Variants in NRG1 observed in about 807,000 individuals in gnomAD.
NRG1 encodes the protein pro-neuregulin-1, membrane-bound isoform.
NRG1 carries 18 observed loss-of-function variants against 63.8 expected under a neutral mutation model. That is an observed-to-expected ratio of 0.28 (90% CI 0.19 to 0.42). The LOEUF is 0.42. Among genes scored for constraint, NRG1 ranks in the 10% least tolerant of loss-of-function variants. The pLI, the probability that NRG1 is intolerant of heterozygous loss-of-function variation, is 1.00. For synonymous variants in NRG1, 302 were observed against 301.3 expected, an observed-to-expected ratio of 1.00 and a Z score of -0.02; for missense variants, 762 against 814.7, an observed-to-expected ratio of 0.94 and a Z score of 0.79.
chr8:32,299,805 G>A (rs893572925), intron 1 of NRG1, among the ~76,000 whole-genome samples: 4 of 152,114 alleles, frequency 2.6e-5, no homozygotes, highest in African/African-American at 9.7e-5. Flanking sequence ...ACGAGAACAG[G>A]ATGGGAAAAA....
chr8:32,337,338 TTGA>T (rs1350811212), intron 1 of NRG1, among the ~76,000 whole-genome samples: 1 of 152,076 alleles, frequency 6.6e-6, no homozygotes, highest in Non-Finnish European at 1.5e-5. Context: ...ACTAAGGCTA[TTGA>T]ATGACCAGGT....
At chr8:32,465,021 A>T (rs1822880609) in intron 1 of NRG1, among the ~76,000 whole-genome samples, 2 of 152,090 alleles carry the variant, frequency 1.3e-5, no homozygotes, top group Non-Finnish European at 1.5e-5. Flanking sequence ...CTAAAAATAC[A>T]AAAATTAGCT....
At chr8:32,147,473 C>T (rs1357691882) in intron 1 of NRG1, among the ~76,000 whole-genome samples, 1 of 152,114 alleles carries the variant, frequency 6.6e-6, no homozygotes, top group Non-Finnish European at 1.5e-5. Flanking sequence ...TGGGCAATTA[C>T]CATAACGTAT....
At chr8:32,646,614 A>G in intron 5 of NRG1, 1 of 894,376 alleles carries the variant, frequency 1.1e-6, no homozygotes, top group South Asian at 5.1e-5. Context: ...TCTCTGACCC[A>G]ACAGTGGGTG....
chr8:31,781,285 T>C (rs966887152), intron 1 of NRG1, among the ~76,000 whole-genome samples: 3 of 152,162 alleles, frequency 2.0e-5, no homozygotes, highest in Admixed American at 2.0e-4. Context: ...AATGGAGAGA[T>C]TAGCATGGAT....
At chr8:32,120,425 C>A (rs558458823) in intron 1 of NRG1, among the ~76,000 whole-genome samples, 1 of 152,136 alleles carries the variant, frequency 6.6e-6, no homozygotes, top group East Asian at 1.9e-4. Context: ...GGTAGTCCTA[C>A]TTTCAGAATT....
At chr8:31,688,744 A>G (rs1809172780) in intron 1 of NRG1, among the ~76,000 whole-genome samples, 1 of 152,226 alleles carries the variant, frequency 6.6e-6, no homozygotes, top group Admixed American at 6.5e-5. Context: ...GTAAACAAGA[A>G]GAGAGAATGA....
chr8:32,656,680 C>T (rs1313698524), intron 5 of NRG1, among the ~76,000 whole-genome samples: 3 of 152,166 alleles, frequency 2.0e-5, no homozygotes. Context: ...ACCTTTGCTG[C>T]AGAAATTGAA....
intron 1 of NRG1, among the ~76,000 whole-genome samples, chr8:32,386,815 C>A (rs541819545): frequency 1.1e-4 from 17 of 152,280 alleles, no homozygotes; most frequent in African/African-American, 3.8e-4. Flanking sequence ...TAGACCCATG[C>A]AGATACCAAA....
chr8:31,798,587 A>G (rs1821459210), intron 1 of NRG1, among the ~76,000 whole-genome samples: 1 of 152,212 alleles, frequency 6.6e-6, no homozygotes, highest in Non-Finnish European at 1.5e-5. Flanking sequence ...CTTAGGAATC[A>G]GTGCCATTGA....
intron 1 of NRG1, among the ~76,000 whole-genome samples, chr8:32,390,469 G>A (rs1854145722): frequency 1.3e-5 from 2 of 151,924 alleles, no homozygotes; most frequent in Admixed American, 6.6e-5. Flanking sequence ...CAGGCATGGT[G>A]GTGAGCACCT....
Position 31,862,459 on chromosome 8 carries a change from G to A in NRG1, c.37+223028G>A, listed in dbSNP as rs773278944. On this transcript the variant is annotated intron_variant, in intron 1 of 10. Coordinates refer to the NRG1 transcript ENST00000519301. ...AGTTGTGACAAAATATCTAACATTC[G>A]GCCATTGTTTTTGATATTTGTACTT... is the stretch of plus-strand genomic sequence containing the variant. Among the ~76,000 whole-genome samples the A allele has an allele frequency of 5.9e-5, 9 of 151,988 alleles. No homozygotes were observed. In the South Asian group the frequency reaches 6.2e-4, roughly 11 times the overall value.
chr8:32,277,208 A>T (rs566284665), intron 1 of NRG1, among the ~76,000 whole-genome samples: 1 of 152,356 alleles, frequency 6.6e-6, no homozygotes, highest in South Asian at 2.1e-4. Context: ...GCATAACTTG[A>T]GCTCGCATTA....
intron 1 of NRG1, among the ~76,000 whole-genome samples, chr8:32,025,281 A>G (rs2130309969): frequency 6.6e-6 from 1 of 152,294 alleles, no homozygotes; most frequent in East Asian, 1.9e-4. Flanking sequence ...AATGCATCAA[A>G]CTAGTAAGAA....
At chr8:31,898,555 T>G (rs1323697344) in intron 1 of NRG1, among the ~76,000 whole-genome samples, 1 of 152,128 alleles carries the variant, frequency 6.6e-6, no homozygotes, top group Non-Finnish European at 1.5e-5. Context: ...AATACAAAAA[T>G]TAGCTGGGTG....
chr8:32,323,808 G>A (rs559895737), intron 1 of NRG1, among the ~76,000 whole-genome samples: 94 of 152,336 alleles, frequency 6.2e-4, no homozygotes, highest in Middle Eastern at 6.8e-3. Flanking sequence ...CAGATGGGTG[G>A]CAGACAATAG....
intron 5 of NRG1, 76 bp from the exon 6 acceptor site, chr8:32,727,873 A>G (rs1822598031): frequency 1.4e-6 from 2 of 1,439,428 alleles, no homozygotes; most frequent in African/African-American, 1.4e-5. Flanking sequence ...TCCTTTTAGG[A>G]TAATTTAAGA....
At chr8:31,801,380 T>G (rs1407650347) in intron 1 of NRG1, among the ~76,000 whole-genome samples, 1 of 152,234 alleles carries the variant, frequency 6.6e-6, no homozygotes, top group Non-Finnish European at 1.5e-5. Flanking sequence ...TTCTCTTTTC[T>G]TTTGCTATAA....
At chr8:31,979,895 A>G (rs1808804742) in intron 1 of NRG1, among the ~76,000 whole-genome samples, 1 of 152,118 alleles carries the variant, frequency 6.6e-6, no homozygotes, top group Non-Finnish European at 1.5e-5. Context: ...CTTCCTCAGC[A>G]TCTGATTGGA....
Sources: allele counts gnomAD v4.1 joint callset (sites outside exome capture counted in the v4.1 genomes callset), GRCh38; gene constraint gnomAD v4.1.1; transcripts MANE v1.5; gene names NCBI Gene and HGNC (gene_info 2026-07-23, HGNC 2026-07-21).